The following PLD1 variants were observed in gnomAD, a reference collection of about 807,000 sequenced individuals.
PLD1 encodes phospholipase D1.
Under a neutral mutation model 137.1 loss-of-function variants are expected in PLD1, and 112 were observed. The ratio of observed to expected loss-of-function variants is 0.82; its 90% CI spans 0.70 to 0.96. PLD1 has a LOEUF of 0.96. PLD1 is among the 40% of genes least tolerant of loss of function. PLD1 has a pLI of 0.00. For missense variants in PLD1, 1,321 were observed against 1,342.0 expected, an observed-to-expected ratio of 0.98 and a Z score of 0.24; for synonymous variants, 431 against 454.7, an observed-to-expected ratio of 0.95 and a Z score of 0.66.
At chr3:171,695,813 A>C (rs978663448) in intron 12 of PLD1, among the ~76,000 whole-genome samples, 1 of 146,900 alleles carries the variant, frequency 6.8e-6, no homozygotes, top group Non-Finnish European at 1.5e-5. Context: ...CAATATATTA[A>C]GAAAATGTAA....
chr3:171,745,707 G>A (rs141979313), intron 1 of PLD1, among the ~76,000 whole-genome samples: 69 of 152,342 alleles, frequency 4.5e-4, no homozygotes, highest in Middle Eastern at 3.4e-3. Context: ...GTCACACAGC[G>A]TGTGATACTG....
chr3:171,786,851 T>C (rs1280479763), intron 1 of PLD1, among the ~76,000 whole-genome samples: 3 of 152,200 alleles, frequency 2.0e-5, no homozygotes, highest in African/African-American at 7.2e-5. Flanking sequence ...TTCTTATCTC[T>C]TATGCAAACA....
intron 1 of PLD1, among the ~76,000 whole-genome samples, chr3:171,751,810 C>G (rs996097008): frequency 5.9e-5 from 9 of 152,154 alleles, no homozygotes; most frequent in African/African-American, 1.9e-4. Flanking sequence ...ACCATCCTGG[C>G]TAACACGGTG....
chr3:171,674,979 C>CA (rs376402019), intron 18 of PLD1, among the ~76,000 whole-genome samples: 20,185 of 74,714 alleles, frequency 0.27, 2,698 homozygotes, highest in Admixed American at 0.34. Context: ...ATCTCCATCT[C>CA]AAAAAAAAAA....
At chr3:171,746,930 G>A (rs1259691398) in intron 1 of PLD1, among the ~76,000 whole-genome samples, 1 of 152,226 alleles carries the variant, frequency 6.6e-6, no homozygotes, top group Non-Finnish European at 1.5e-5. Context: ...TGCTGCTGCT[G>A]TTTAGGCTTT....
At chr3:171,711,864 T>A (rs1717267705) in intron 9 of PLD1, among the ~76,000 whole-genome samples, 1 of 149,692 alleles carries the variant, frequency 6.7e-6, no homozygotes, top group Admixed American at 6.6e-5. Context: ...TTACAGAAAG[T>A]TTTTTCTTAA....
chr3:171,798,754 G>C (rs1408192878), intron 1 of PLD1, among the ~76,000 whole-genome samples: 2 of 152,096 alleles, frequency 1.3e-5, no homozygotes, highest in Non-Finnish European at 2.9e-5. Context: ...GGTCTGTCTA[G>C]CCAGGTCCCA....
At chr3:171,687,980 A>G (rs1714748972) in intron 14 of PLD1, among the ~76,000 whole-genome samples, 1 of 152,232 alleles carries the variant, frequency 6.6e-6, no homozygotes, top group Non-Finnish European at 1.5e-5. Context: ...CTATTTTTGC[A>G]TAAGTTTTGC....
chr3:171,607,180 A>G (rs893411307), intron 25 of PLD1, among the ~76,000 whole-genome samples: 1 of 152,206 alleles, frequency 6.6e-6, no homozygotes, highest in Non-Finnish European at 1.5e-5. Context: ...CCTTCAGACT[A>G]CACGAGAATA....
Position 171,726,017 on chromosome 3 carries a change from C to G in PLD1, c.665+1G>C. 1 of 1,602,036 alleles carries G rather than the reference C, an allele frequency of 6.2e-7. No homozygotes were observed. Among genetic ancestry groups the G allele is most frequent in the Non-Finnish European group, 8.6e-7 (1 of 1,169,068 alleles). On this transcript the variant is annotated splice_donor_variant, in intron 7 of 26. Coordinates refer to ENST00000351298, the MANE Select transcript of PLD1 (RefSeq NM_002662.5). LOFTEE classifies it high-confidence loss of function. ...CTCTTTTAAGGTTTATTGCAACTTA[C>G]ATGCCCTTTGGTCCCAAATCATGGA...
At chr3:171,786,655 C>T (rs897573586) in intron 1 of PLD1, among the ~76,000 whole-genome samples, 10 of 152,118 alleles carry the variant, frequency 6.6e-5, no homozygotes, top group African/African-American at 9.7e-5. Flanking sequence ...CATTACTGTT[C>T]GGGATGGCAC....
chr3:171,787,834 CT>C (rs1204017145), intron 1 of PLD1, among the ~76,000 whole-genome samples: 4 of 150,376 alleles, frequency 2.7e-5, no homozygotes, highest in Non-Finnish European at 4.4e-5. Context: ...TTAGAACCAA[CT>C]TGGTTTTTTT....
At chr3:171,653,531 G>A (rs1375011848) in intron 21 of PLD1, 2 of 152,150 alleles carry the variant, frequency 1.3e-5, no homozygotes, top group South Asian at 2.1e-4. Context: ...GTCACATGAT[G>A]AACAACAGCC....
At chr3:171,678,820 C>T (rs1713657474) in intron 16 of PLD1, among the ~76,000 whole-genome samples, 2 of 152,110 alleles carry the variant, frequency 1.3e-5, no homozygotes, top group Non-Finnish European at 2.9e-5. Context: ...TTTTTCCCCA[C>T]CCAACCCCAG....
chr3:171,674,410 A>C, intron 19 of PLD1, 90 bp downstream of exon 19: 1 of 568,116 alleles, frequency 1.8e-6, no homozygotes, highest in Non-Finnish European at 3.2e-6. Flanking sequence ...TCATTGAAAA[A>C]TCTGAAGCCA....
intron 22 of PLD1, among the ~76,000 whole-genome samples, chr3:171,644,442 A>G (rs111546878): frequency 9.2e-5 from 14 of 152,344 alleles, no homozygotes; most frequent in African/African-American, 3.4e-4. Context: ...GGTAGAGAAA[A>G]CAAAATTCCG....
chr3:171,787,622 A>T (rs924893180), intron 1 of PLD1, among the ~76,000 whole-genome samples: 1 of 152,148 alleles, frequency 6.6e-6, no homozygotes, highest in African/African-American at 2.4e-5. Context: ...AGAAAATAAA[A>T]TTCAGGCCAT....
chr3:171,768,830 A>C (rs149996864), intron 1 of PLD1, among the ~76,000 whole-genome samples: 41 of 152,376 alleles, frequency 2.7e-4, no homozygotes, highest in Non-Finnish European at 5.1e-4. Context: ...TTGACTATCA[A>C]CAAGAAAGCA....
In PLD1 at chr3:171,659,244, C is replaced by T. The variant is rs777103394; in HGVS notation, c.2398G>A (p.Ala800Thr). 2.5e-6 allele frequency: 4 copies of T among 1,613,548 alleles called. No homozygotes were observed. In the East Asian group the frequency reaches 6.7e-5, roughly 27 times the overall value. ...GCTTTCAGGATCCTCTGGGCAATGG[C>T]ATCGCCTATCTTGTTGAACACAACT... The part of the protein sequence containing the change: ...DKVVFNKIGD[A>T]IAQRILKAHR... The change falls in exon 21 of 27, where the codon GCC becomes ACC. Residue 800 changes from alanine (A) to threonine (T), a missense_variant. Physicochemically the swap from Ala to Thr is moderately conservative, Grantham distance 58. Coordinates refer to ENST00000351298, the MANE Select transcript of PLD1 (RefSeq NM_002662.5).
Sources: allele counts gnomAD v4.1 joint callset (sites outside exome capture counted in the v4.1 genomes callset), GRCh38; gene constraint gnomAD v4.1.1; transcripts MANE v1.5; gene names NCBI Gene and HGNC (gene_info 2026-07-23, HGNC 2026-07-21).